DYNC1I1: variants seen among roughly 807,000 people sequenced by gnomAD.
DYNC1I1 encodes dynein cytoplasmic 1 intermediate chain 1, also known as cytoplasmic dynein 1 intermediate chain 1.
Under a neutral mutation model 86.6 loss-of-function variants are expected in DYNC1I1, and 43 were observed. The observed-to-expected ratio is 0.50, with a 90% CI of 0.39 to 0.64. The LOEUF (loss-of-function observed/expected upper bound fraction) is 0.64, where lower values mean the gene tolerates loss of function less well. Ranked by LOEUF, DYNC1I1 falls within the 30% of genes least tolerant of loss-of-function variation. The pLI is 0.00. For synonymous variants in DYNC1I1, 262 were observed against 283.7 expected, an observed-to-expected ratio of 0.92 and a Z score of 0.77; for missense variants, 604 against 788.8, an observed-to-expected ratio of 0.77 and a Z score of 2.81.
intron 5 of DYNC1I1, among the ~76,000 whole-genome samples, chr7:95,840,542 T>C (rs1030628563): frequency 2.2e-4 from 33 of 152,210 alleles, no homozygotes; most frequent in Admixed American, 1.3e-3. Context: ...GTAAATCACA[T>C]GTCTCCATTT....
At chr7:95,912,654 G>C (rs1791367854) in intron 6 of DYNC1I1, among the ~76,000 whole-genome samples, 1 of 152,194 alleles carries the variant, frequency 6.6e-6, no homozygotes, top group South Asian at 2.1e-4. Flanking sequence ...AGACATGCAG[G>C]CTTGCCCCCT....
At chr7:95,895,927 C>A (rs1217994957) in intron 6 of DYNC1I1, among the ~76,000 whole-genome samples, 1 of 152,206 alleles carries the variant, frequency 6.6e-6, no homozygotes. Context: ...ATGATGGACC[C>A]TCAGTTCAGA....
At chr7:96,104,532 T>C (rs1401652626) in intron 16 of DYNC1I1, among the ~76,000 whole-genome samples, 2 of 152,130 alleles carry the variant, frequency 1.3e-5, no homozygotes, top group African/African-American at 4.8e-5. Context: ...GGTTCTTAAA[T>C]TAATTTTTGT....
intron 1 of DYNC1I1, among the ~76,000 whole-genome samples, chr7:95,790,705 G>C (rs946457921): frequency 2.0e-5 from 3 of 152,210 alleles, no homozygotes; most frequent in Non-Finnish European, 2.9e-5. Flanking sequence ...AATCAATAGA[G>C]ATGATATGGC....
intron 6 of DYNC1I1, among the ~76,000 whole-genome samples, chr7:95,962,764 C>T (rs1307426487): frequency 6.6e-6 from 1 of 152,092 alleles, no homozygotes; most frequent in Non-Finnish European, 1.5e-5. Context: ...GTGAATAAGA[C>T]CATACTTTCC....
At chr7:95,860,487 G>A (rs1789848287) in intron 5 of DYNC1I1, among the ~76,000 whole-genome samples, 1 of 152,124 alleles carries the variant, frequency 6.6e-6, no homozygotes, top group Non-Finnish European at 1.5e-5. Flanking sequence ...GTGAATAGCA[G>A]GAATAAAACT....
At chr7:95,945,538 A>C (rs1052659017) in intron 6 of DYNC1I1, among the ~76,000 whole-genome samples, 26 of 152,186 alleles carry the variant, frequency 1.7e-4, no homozygotes, top group African/African-American at 5.8e-4. Context: ...CTTCAGAATA[A>C]CCTTCACATA....
intron 4 of DYNC1I1, chr7:95,818,754 T>C (rs2115873589): frequency 4.9e-6 from 2 of 406,706 alleles, no homozygotes; most frequent in Non-Finnish European, 8.7e-6. Flanking sequence ...ACCACCAGAG[T>C]AGCACTCTTA....
intron 1 of DYNC1I1, among the ~76,000 whole-genome samples, chr7:95,787,637 A>AC: frequency 6.6e-6 from 1 of 152,280 alleles, no homozygotes; most frequent in East Asian, 1.9e-4. Context: ...ATCTACTCTG[A>AC]CCAGTCACTA....
intron 6 of DYNC1I1, among the ~76,000 whole-genome samples, chr7:95,914,922 T>C (rs1031897535): frequency 6.6e-6 from 1 of 152,216 alleles, no homozygotes; most frequent in Admixed American, 6.5e-5. Flanking sequence ...GTACTTCTCT[T>C]AAATGGAATC....
intron 1 of DYNC1I1, chr7:95,804,449 G>T: frequency 8.7e-7 from 1 of 1,148,240 alleles, no homozygotes; most frequent in Admixed American, 2.9e-5. Flanking sequence ...TGCTTATCTG[G>T]AAGTTGCGAT....
downstream of DYNC1I1, among the ~76,000 whole-genome samples, chr7:96,100,650 T>TTGTGTGTGTGTGTGTGTGTGTG (rs57129262): frequency 0.013 from 1,840 of 142,910 alleles, 23 homozygotes; most frequent in Middle Eastern, 0.021. Context: ...TTTGAGGGTT[T>TTGTGTGTGTGTGTGTGTGTGTG]TGTGTGTGTG....
In DYNC1I1 at chr7:96,003,380, C is replaced by CTGTA. The variant is rs899660305; in HGVS notation, c.969+7308_969+7311dup. On this transcript the variant is annotated intron_variant, in intron 10 of 16. Coordinates refer to ENST00000447467, the MANE Select transcript of DYNC1I1 (RefSeq NM_001135556.2). ...GGCCATTTGCCGTGCTTAACACACT[C>CTGTA]TGTAGGCTATGAAGCAAGAATAAGG... is the stretch of plus-strand genomic sequence containing the variant. Among the ~76,000 whole-genome samples, 6 of 152,170 alleles carry CTGTA rather than the reference C, an allele frequency of 3.9e-5. No individual in the cohort carries two copies. The East Asian group carries it at 5.8e-4, about 15-fold the overall frequency.
intron 1 of DYNC1I1, among the ~76,000 whole-genome samples, chr7:95,792,765 C>T (rs1362155313): frequency 6.6e-6 from 1 of 152,054 alleles, no homozygotes; most frequent in African/African-American, 2.4e-5. Context: ...TCCTCCTCCA[C>T]ACTGGATGCC....
Position 95,964,516 on chromosome 7 carries a change from C to T in DYNC1I1, c.491-12996C>T, listed in dbSNP as rs571993926. ...ACCCAACAAACATTCATTGCCATCT[C>T]CCATATGCCCAGCCCTTTCCTAGGC... On this transcript the variant is annotated intron_variant, in intron 6 of 16. Coordinates refer to ENST00000447467, the MANE Select transcript of DYNC1I1 (RefSeq NM_001135556.2). Among the ~76,000 whole-genome samples the T allele has an allele frequency of 8.5e-4, 129 of 152,294 alleles. No homozygotes were observed. In the Middle Eastern group the frequency reaches 0.014, roughly 16 times the overall value.
intron 6 of DYNC1I1, among the ~76,000 whole-genome samples, chr7:95,893,952 T>C (rs1297374364): frequency 6.6e-6 from 1 of 152,166 alleles, no homozygotes; most frequent in Admixed American, 6.5e-5. Context: ...TTTGAAGTGA[T>C]GTGAAAATTT....
chr7:95,982,240 T>C (rs1043596897), intron 7 of DYNC1I1, among the ~76,000 whole-genome samples: 1 of 152,224 alleles, frequency 6.6e-6, no homozygotes, highest in African/African-American at 2.4e-5. Context: ...TCTGATTATT[T>C]TGTGCTAACA....
intron 6 of DYNC1I1, among the ~76,000 whole-genome samples, chr7:95,884,838 A>G (rs2116241130): frequency 6.6e-6 from 1 of 152,238 alleles, no homozygotes; most frequent in South Asian, 2.1e-4. Flanking sequence ...CTTATAGGCT[A>G]CATACACAGC....
At chr7:96,049,078 TG>T (rs1016850207) in intron 14 of DYNC1I1, among the ~76,000 whole-genome samples, 2 of 151,764 alleles carry the variant, frequency 1.3e-5, no homozygotes, top group Non-Finnish European at 2.9e-5. Context: ...GCTAACACGG[TG>T]AAACCCCGTC....
Sources: allele counts gnomAD v4.1 joint callset (sites outside exome capture counted in the v4.1 genomes callset), GRCh38; gene constraint gnomAD v4.1.1; transcripts MANE v1.5; gene names NCBI Gene and HGNC (gene_info 2026-07-23, HGNC 2026-07-21).